NAA16: variants seen among roughly 807,000 people sequenced by gnomAD.
NAA16 encodes the protein NARG1-like protein.
In NAA16, 97 loss-of-function variants were observed where a neutral mutation model predicts 110.3. The ratio of observed to expected loss-of-function variants is 0.88; its 90% confidence interval spans 0.75 to 1.04. The LOEUF is 1.04. Among genes scored for constraint, NAA16 ranks in the 50% least tolerant of loss-of-function variants. The pLI is 0.00. For missense variants in NAA16, 1,017 were observed against 1,005.1 expected (o/e 1.01, Z -0.16); for synonymous variants, 372 against 330.6 (o/e 1.13, Z -1.36).
intron 7 of NAA16, among the ~76,000 whole-genome samples, chr13:41,330,832 G>A (rs534025819): frequency 6.6e-6 from 1 of 152,030 alleles, no homozygotes; most frequent in Non-Finnish European, 1.5e-5. Flanking sequence ...ATTTGCAATC[G>A]TAATCCTAAA....
At chr13:41,316,410 G>A (rs1593403529) in intron 1 of NAA16, among the ~76,000 whole-genome samples, 1 of 151,438 alleles carries the variant, frequency 6.6e-6, no homozygotes. Context: ...GCGTTCAAGC[G>A]ATTCTCCTGC....
rs1220786616 is a variant in NAA16, at chr13:41,356,033, AAG to A, written c.1087+822_1087+823del. Among the ~76,000 whole-genome samples, 4 of 152,220 alleles carry A rather than the reference AAG, an allele frequency of 2.6e-5. No individual in the cohort carries two copies. The East Asian group carries it at 7.8e-4, about 29-fold the overall frequency. ...TCTGAGTATTTTTCTGATGTTTTTT[AAG>A]AGAGGGGATCTCACTGTGTTGCGCA... On this transcript the variant is annotated intron_variant, in intron 10 of 19. Transcript: ENST00000379406.
In NAA16 at chr13:41,358,843, A is replaced by G; in HGVS notation, c.1291A>G (p.Met431Val). The stretch of plus-strand genomic sequence containing the variant: ...TAATCTCAAAGAAGCTGCAAAGTGG[A>G]TGGATGAAGCACAGTCTTTGGACAC... ...IGNLKEAAKW[M>V]DEAQSLDTAD... is the part of the protein sequence containing the mutation. Residue 431 changes from methionine (M) to valine (V), a missense_variant, in exon 12 of 20, where the codon ATG becomes GTG. Coordinates refer to ENST00000379406, the MANE Select transcript of NAA16 (RefSeq NM_024561.5). The G allele has an allele frequency of 6.2e-7, 1 of 1,608,146 alleles. No individual in the cohort carries two copies. Among genetic ancestry groups the G allele is most frequent in the Non-Finnish European group, 8.5e-7 (1 of 1,176,072 alleles).
intron 18 of NAA16, among the ~76,000 whole-genome samples, chr13:41,374,250 T>C (rs916951989): frequency 6.6e-6 from 1 of 151,484 alleles, no homozygotes; most frequent in Non-Finnish European, 1.5e-5. Context: ...TTTTTTAAAA[T>C]TTTACTTTCT....
At chr13:41,373,059 A>G (rs1449808122) in intron 17 of NAA16, 4 of 851,918 alleles carry the variant, frequency 4.7e-6, no homozygotes, top group Non-Finnish European at 5.6e-6. Context: ...GTGGACATTA[A>G]AGAGATTTGC....
intron 16 of NAA16, 82 bp from the exon 17 acceptor site, chr13:41,372,650 G>T: frequency 7.3e-7 from 1 of 1,377,434 alleles, no homozygotes; most frequent in Non-Finnish European, 9.4e-7. Context: ...TTTTGTTGTT[G>T]AACTTAAGTG....
At position 41,355,129 on chromosome 13, in the gene NAA16, A is replaced by G. The variant is rs755247735; in HGVS notation, c.1015-15A>G. The G allele has an allele frequency of 6.8e-6, 10 of 1,480,398 alleles. No homozygotes were observed. The highest frequency in any genetic ancestry group is 2.1e-5 in the Admixed American group (1 of 47,634). 91.7% of individuals were successfully genotyped at this position (1,480,398 alleles called of 1,614,324 possible). On this transcript the variant is annotated splice_polypyrimidine_tract_variant and intron_variant, in intron 9 of 19. Transcript: ENST00000379406. ...GAAGATATTTTTAAATTTTAAAAAT[A>G]TGTTTCTTTAACAGGTTTCTATAAT... is the stretch of plus-strand genomic sequence containing the variant.
At position 41,331,290 on chromosome 13, in the gene NAA16, G is replaced by T; in HGVS notation, c.828G>T (p.Arg276Ser). 1 of 1,608,240 alleles carries T rather than the reference G, an allele frequency of 6.2e-7. No individual in the cohort carries two copies. Among genetic ancestry groups the T allele is most frequent in the Non-Finnish European group, 8.5e-7 (1 of 1,176,332 alleles). Residue 276 changes from arginine to serine, a missense_variant, in exon 8 of 20, where the codon AGG (arginine) becomes AGT (serine). Coordinates refer to ENST00000379406, the MANE Select transcript of NAA16 (RefSeq NM_024561.5). ...TGATAATAGGCACTTTAGAAGAGAGGCTTCAAATTTATGAAGAAATTAGTA... is the reference window on the plus strand; with the variant it reads ...TGATAATAGGCACTTTAGAAGAGAGTCTTCAAATTTATGAAGAAATTAGTA... The part of the protein sequence containing the change: ...KALQISTLEE[R>S]LQIYEEISKQ...
chr13:41,356,585 A>G (rs764228188), intron 10 of NAA16, among the ~76,000 whole-genome samples: 12 of 152,154 alleles, frequency 7.9e-5, no homozygotes, highest in Admixed American at 3.9e-4. Context: ...CATTTCCCCC[A>G]TTATCCAAAA....
intron 17 of NAA16, 22 bp downstream of exon 17, chr13:41,372,852 A>T (rs561939307): frequency 6.7e-7 from 1 of 1,493,374 alleles, no homozygotes; most frequent in South Asian, 1.4e-5. Context: ...AAAGGACCAT[A>T]TTTACATTTG....
intron 10 of NAA16, 147 bp from the exon 11 acceptor site, chr13:41,358,157 C>A: frequency 1.4e-6 from 1 of 693,310 alleles, no homozygotes; most frequent in Non-Finnish European, 2.4e-6. Context: ...TGAAGTCATA[C>A]CTCTTTCTTT....
chr13:41,354,969 C>CCAAAGCGG (rs1328374560), intron 9 of NAA16, among the ~76,000 whole-genome samples, 175 bp from the exon 10 acceptor site: 1 of 139,274 alleles, frequency 7.2e-6, no homozygotes, highest in East Asian at 2.2e-4. Context: ...CACCCCTTCT[C>CCAAAGCGG]CAAAGCGGGG....
Position 41,323,140 on chromosome 13 carries a change from GA to G in NAA16, c.488del (p.Asp163ValfsTer6), listed in dbSNP as rs759315475. 1.9e-6 allele frequency: 3 copies of G among 1,614,152 alleles called. No individual in the cohort carries two copies. Among genetic ancestry groups the G allele is most frequent in the Non-Finnish European group, 2.5e-6 (3 of 1,179,994 alleles). ...GYAIAYHLLK[D>X]YDMALKLLEE... is the part of the protein sequence containing the mutation. ...TGCTATTGCATACCATTTGCTGAAA[GA>G]TTATGATATGGCCCTAAAACTGTTG... On this transcript the variant is annotated frameshift_variant, in exon 5 of 20. Coordinates refer to ENST00000379406, the MANE Select transcript of NAA16 (RefSeq NM_024561.5). LOFTEE classifies it high-confidence loss of function.
intron 1 of NAA16, among the ~76,000 whole-genome samples, chr13:41,313,835 A>G (rs529293002): frequency 1.3e-5 from 2 of 151,488 alleles, no homozygotes; most frequent in South Asian, 4.2e-4. Context: ...TGCTTAGTAT[A>G]TAATGGTTCC....
chr13:41,335,316 G>A (rs2042351610), intron 8 of NAA16, among the ~76,000 whole-genome samples: 1 of 152,148 alleles, frequency 6.6e-6, no homozygotes. Flanking sequence ...TACTCTTGAG[G>A]TCAGTGATGG....
At chr13:41,340,068 ATATATT>A (rs2042494826) in intron 9 of NAA16, among the ~76,000 whole-genome samples, 1 of 152,126 alleles carries the variant, frequency 6.6e-6, no homozygotes, top group South Asian at 2.1e-4. Flanking sequence ...ATTACTAAAA[ATATATT>A]TATATCCCTT....
intron 9 of NAA16, among the ~76,000 whole-genome samples, chr13:41,342,610 A>G (rs978156882): frequency 6.6e-6 from 1 of 152,190 alleles, no homozygotes; most frequent in African/African-American, 2.4e-5. Flanking sequence ...GAAACAAACA[A>G]CTAACATAGT....
At chr13:41,342,111 C>T (rs12874999) in intron 9 of NAA16, among the ~76,000 whole-genome samples, 2 of 148,670 alleles carry the variant, frequency 1.3e-5, no homozygotes, top group Admixed American at 6.8e-5. Context: ...GGATTACAGG[C>T]GTGAGCCACC....
chr13:41,368,617 G>A (rs1319682647), intron 14 of NAA16, among the ~76,000 whole-genome samples: 3 of 152,080 alleles, frequency 2.0e-5, no homozygotes, highest in African/African-American at 7.2e-5. Context: ...TATACAGCTG[G>A]CCCTCCATTT....
Sources: allele counts gnomAD v4.1 joint callset (sites outside exome capture counted in the v4.1 genomes callset), GRCh38; gene constraint gnomAD v4.1.1; transcripts MANE v1.5; gene names NCBI Gene and HGNC (gene_info 2026-07-23, HGNC 2026-07-21).